The following LARGE1 variants were observed in gnomAD, a reference collection of about 807,000 sequenced individuals.
The protein encoded by LARGE1 is LARGE xylosyl- and glucuronyltransferase 1, also known as xylosyl- and glucuronyltransferase LARGE1.
Under a neutral mutation model 87.6 loss-of-function variants are expected in LARGE1, and 43 were observed. The observed-to-expected ratio is 0.49, with a 90% CI of 0.38 to 0.63. The LOEUF is 0.63. Ranked by LOEUF, LARGE1 falls within the 30% of genes least tolerant of loss-of-function variation. The pLI is 0.00. For synonymous variants in LARGE1, 434 were observed against 394.6 expected, an observed-to-expected ratio of 1.10 and a Z score of -1.18; for missense variants, 802 against 1,000.2, an observed-to-expected ratio of 0.80 and a Z score of 2.67.
At chr22:33,773,808 G>A (rs2085146261) in intron 1 of LARGE1, among the ~76,000 whole-genome samples, 1 of 151,712 alleles carries the variant, frequency 6.6e-6, no homozygotes, top group Non-Finnish European at 1.5e-5. Flanking sequence ...GATTGCAAGA[G>A]ATCAAATGAA....
At chr22:33,840,705 C>T (rs1051591658) in intron 1 of LARGE1, among the ~76,000 whole-genome samples, 7 of 151,862 alleles carry the variant, frequency 4.6e-5, no homozygotes, top group Non-Finnish European at 1.0e-4. Flanking sequence ...GGGTCTCGCT[C>T]AGTCACCCAG....
the LARGE1 span, among the ~76,000 whole-genome samples, chr22:33,145,519 ACAGCC>A: frequency 6.6e-6 from 1 of 152,214 alleles, no homozygotes; most frequent in Admixed American, 6.5e-5. Flanking sequence ...GAGACCAAGG[ACAGCC>A]ATGAGCAAGT....
chr22:33,594,564 T>C (rs1464027532), intron 5 of LARGE1, among the ~76,000 whole-genome samples: 4 of 152,202 alleles, frequency 2.6e-5, no homozygotes, highest in Admixed American at 2.0e-4. Flanking sequence ...CTTGTTTTGA[T>C]CCCAACTCCG....
At chr22:33,717,525 G>C (rs935186412) in intron 2 of LARGE1, among the ~76,000 whole-genome samples, 2 of 152,124 alleles carry the variant, frequency 1.3e-5, no homozygotes, top group Non-Finnish European at 2.9e-5. Flanking sequence ...TAATCTTGGA[G>C]AAATCCAGAA....
chr22:33,878,131 TTTTTTTTTTTTTTTTTTTTTTTTA>T lies in LARGE1; in HGVS notation c.-83+41840_-83+41863del, dbSNP rs1369478169. On this transcript the variant is annotated intron_variant, in intron 1 of 14. Transcript: ENST00000397394. ...TGTATGTTGTTTATATTGTATTTCT[TTTTTTTTTTTTTTTTTTTTTTTTA>T]GAGACAGAGCCTTGCTCTGTTGCCC... Among the ~76,000 whole-genome samples, 9 of 81,346 alleles carry T rather than the reference TTTTTTTTTTTTTTTTTTTTTTTTA, an allele frequency of 1.1e-4. No individual in the cohort carries two copies. In the East Asian group the frequency reaches 2.9e-3, roughly 26 times the overall value. The allele number at this position is 81,346 out of a possible 152,430, so 53.4% of individuals were successfully genotyped here.
At chr22:33,093,822 C>CTT in the LARGE1 span, among the ~76,000 whole-genome samples, 111 of 81,562 alleles carry the variant, frequency 1.4e-3, no homozygotes, top group Non-Finnish European at 1.5e-3. Flanking sequence ...TTCTTTCTTT[C>CTT]TTTTTTTTTT....
intron 11 of LARGE1, among the ~76,000 whole-genome samples, chr22:33,233,006 GGAAAACTCT>G (rs1926084589): frequency 6.6e-6 from 1 of 152,272 alleles, no homozygotes; most frequent in Admixed American, 6.5e-5. Context: ...CCCGAACCCT[GGAAAACTCT>G]GAAAAGCTTC....
At chr22:33,475,835 C>A (rs1393238245) in intron 6 of LARGE1, among the ~76,000 whole-genome samples, 1 of 152,122 alleles carries the variant, frequency 6.6e-6, no homozygotes, top group Admixed American at 6.6e-5. Flanking sequence ...TTCTTTTTAA[C>A]CATGTCTGCT....
At chr22:33,551,166 A>C (rs9609819) in intron 6 of LARGE1, among the ~76,000 whole-genome samples, 64,744 of 152,102 alleles carry the variant, frequency 0.43, 14,672 homozygotes, top group Admixed American at 0.51. Flanking sequence ...ACATGCAATA[A>C]AATTGTATAT....
intron 10 of LARGE1, among the ~76,000 whole-genome samples, chr22:33,325,460 G>T (rs1412531451): frequency 6.6e-6 from 1 of 152,242 alleles, no homozygotes; most frequent in Non-Finnish European, 1.5e-5. Flanking sequence ...TGTAGAGCAG[G>T]CTGGGGTTCT....
chr22:33,433,258 A>G (rs2067145632), intron 6 of LARGE1, among the ~76,000 whole-genome samples: 1 of 152,196 alleles, frequency 6.6e-6, no homozygotes, highest in Non-Finnish European at 1.5e-5. Context: ...ATCCTTACAA[A>G]AACAAATATT....
chr22:33,455,647 G>A (rs985769894), intron 6 of LARGE1, among the ~76,000 whole-genome samples: 4 of 151,488 alleles, frequency 2.6e-5, no homozygotes, highest in African/African-American at 9.7e-5. Flanking sequence ...CCAGCTACTC[G>A]GGAGGCTGAG....
At position 33,547,387 on chromosome 22, in the gene LARGE1, G is replaced by C. The variant is rs544547124; in HGVS notation, c.787+17461C>G. Among the ~76,000 whole-genome samples the C allele has an allele frequency of 8.5e-5, 13 of 152,312 alleles. No homozygotes were observed. In the South Asian group the frequency reaches 1.2e-3, roughly 15 times the overall value. On this transcript the variant is annotated intron_variant, in intron 6 of 14. Transcript: ENST00000397394. ...ACTATGGGAATCTAATCCCAGCGCT[G>C]ATCTGACAGGAGGTGAAGGTCAGGC...
intron 3 of LARGE1, among the ~76,000 whole-genome samples, chr22:33,648,022 G>T (rs1008007839): frequency 1.3e-5 from 2 of 152,196 alleles, no homozygotes; most frequent in East Asian, 3.8e-4. Flanking sequence ...CTCCCAAAGT[G>T]CTGGGATTAC....
chr22:33,452,991 T>A (rs2067997168), intron 6 of LARGE1, among the ~76,000 whole-genome samples: 1 of 152,204 alleles, frequency 6.6e-6, no homozygotes, highest in African/African-American at 2.4e-5. Flanking sequence ...AACCAGAGAA[T>A]GCTGTGTGCT....
chr22:33,430,176 C>T (rs1423194619), intron 7 of LARGE1, among the ~76,000 whole-genome samples: 1 of 152,198 alleles, frequency 6.6e-6, no homozygotes, highest in Non-Finnish European at 1.5e-5. Context: ...TTGCAGCCTT[C>T]GATGCTCCAA....
At chr22:33,226,309 C>T (rs1227774716) in intron 11 of LARGE1, among the ~76,000 whole-genome samples, 1 of 152,246 alleles carries the variant, frequency 6.6e-6, no homozygotes, top group Middle Eastern at 3.2e-3. Context: ...ATTGCTATAT[C>T]TATTTCTCCA....
At chr22:33,092,242 C>A in the LARGE1 span, among the ~76,000 whole-genome samples, 5 of 150,326 alleles carry the variant, frequency 3.3e-5, no homozygotes, top group African/African-American at 1.2e-4. Flanking sequence ...GTAGAATCTC[C>A]AGGGCTTTTT....
At chr22:33,458,016 T>C (rs914020708) in intron 6 of LARGE1, among the ~76,000 whole-genome samples, 12 of 152,236 alleles carry the variant, frequency 7.9e-5, no homozygotes, top group African/African-American at 2.9e-4. Flanking sequence ...CTGAAGTTTA[T>C]TATAAAGACT....
Sources: gnomAD v4.1 joint callset for allele counts (sites outside exome capture counted in the v4.1 genomes callset) on GRCh38, gnomAD v4.1.1 for gene constraint, MANE v1.5 for transcripts, NCBI Gene and HGNC (gene_info 2026-07-23, HGNC 2026-07-21) for gene names.